The following CAMKK2 variants were observed in gnomAD, a reference collection of about 807,000 sequenced individuals.
CAMKK2 encodes the protein calcium/calmodulin dependent protein kinase kinase 2.
A neutral mutation model predicts 67.2 loss-of-function variants in CAMKK2; 30 were observed. The ratio of observed to expected loss-of-function variants is 0.45; its 90% CI spans 0.33 to 0.61. The LOEUF (loss-of-function observed/expected upper bound fraction) is 0.61. Among genes scored for constraint, CAMKK2 ranks in the 20% least tolerant of loss-of-function variants. The probability of loss-of-function intolerance (pLI) is 0.02; values close to 1 mark genes in which losing one functional copy is unlikely to be tolerated. For synonymous variants in CAMKK2, 322 were observed against 326.2 expected, an observed-to-expected ratio of 0.99 and a Z score of 0.14; for missense variants, 643 against 802.0, an observed-to-expected ratio of 0.80 and a Z score of 2.39.
rs762909440 is a variant in CAMKK2 at position 121,258,487 on chromosome 12, G to A, written c.796+1832C>T. ...GCTGGGGTTACAGGCATGAGCCACC[G>A]CACCTGGACTGAGTTTTCTGCCCTT... On this transcript the variant is annotated intron_variant, in intron 7 of 16. Coordinates refer to ENST00000404169, the MANE Select transcript of CAMKK2 (RefSeq NM_001270485.2). Among the ~76,000 whole-genome samples the A allele has an allele frequency of 7.2e-5, 11 of 152,072 alleles. No homozygotes were observed. In the East Asian group the frequency reaches 7.8e-4, roughly 11 times the overall value.
chr12:121,240,218 A>C lies in CAMKK2; in HGVS notation c.*481T>G, dbSNP rs200805447. The C allele has an allele frequency of 5.6e-4, 331 of 586,852 alleles. No homozygotes were observed. The highest frequency in any genetic ancestry group is 3.6e-3 in the Middle Eastern group (8 of 2,248). 36.4% of individuals were successfully genotyped at this position (586,852 alleles called of 1,614,324 possible). A position where few individuals can be genotyped will look rare whatever the true frequency, so the allele number is the denominator to read the frequency against. On this transcript the variant is annotated 3_prime_UTR_variant, in exon 17 of 17. Transcript: ENST00000404169. The surrounding 1 kb of genome is among the most constrained non-coding windows in gnomAD (Gnocchi z 4.4). ...GACTCCTTGAGACCACGGCTCTGGAAGGTGCCATGGTTTCCGGTTTGCACT... is the reference window on the plus strand; with the variant it reads ...GACTCCTTGAGACCACGGCTCTGGACGGTGCCATGGTTTCCGGTTTGCACT...
chr12:121,268,598 C>T, intron 5 of CAMKK2, 40 bp downstream of exon 5: 2 of 1,597,256 alleles, frequency 1.3e-6, no homozygotes, highest in South Asian at 2.2e-5. Context: ...CTGTCTTGTC[C>T]CAGCCCCTGT....
chr12:121,273,534 C>T (rs1896167830), intron 2 of CAMKK2, among the ~76,000 whole-genome samples: 1 of 152,098 alleles, frequency 6.6e-6, no homozygotes, highest in Admixed American at 6.5e-5. Context: ...CTGGTGCCAA[C>T]ACACGCTCGG....
intron 3 of CAMKK2, chr12:121,269,828 C>T (rs1895364670): frequency 4.8e-6 from 2 of 416,290 alleles, no homozygotes; most frequent in African/African-American, 4.0e-5. Context: ...GCAGGCGGAT[C>T]ACTTGAGTTA....
In CAMKK2 at chr12:121,251,826, CAAAAA is replaced by C. The variant is rs35539013; in HGVS notation, c.1161+830_1161+834del. Among the ~76,000 whole-genome samples the C allele has an allele frequency of 5.8e-5, 5 of 85,712 alleles. No homozygotes were observed. In the East Asian group the frequency reaches 1.8e-3, roughly 31 times the overall value. The allele number at this position is 85,712 out of a possible 152,430, so 56.2% of individuals were successfully genotyped here. A position where few individuals can be genotyped will look rare whatever the true frequency, so the allele number is the denominator to read the frequency against. The stretch of plus-strand genomic sequence containing the variant: ...TGGGTGACAGAGCAAGACTCCATCT[CAAAAA>C]AAAAAAAAAAAAAAATAGAGAGAGA... On this transcript the variant is annotated intron_variant, in intron 11 of 16. Coordinates refer to ENST00000404169, the MANE Select transcript of CAMKK2 (RefSeq NM_001270485.2).
At chr12:121,297,338 G>A, upstream of CAMKK2, 1 of 318,802 alleles carries the variant, frequency 3.1e-6, no homozygotes, top group South Asian at 2.5e-5. Flanking sequence ...CACCGACTCG[G>A]GGGAGCCCCC....
chr12:121,283,205 G>A (rs1898125879), intron 1 of CAMKK2, among the ~76,000 whole-genome samples: 1 of 152,202 alleles, frequency 6.6e-6, no homozygotes, highest in Non-Finnish European at 1.5e-5. Flanking sequence ...AGCTCTAGCG[G>A]GAGACCTGAG....
chr12:121,248,781 CG>C, intron 13 of CAMKK2, 47 bp from the exon 14 acceptor site: 4 of 1,609,858 alleles, frequency 2.5e-6, no homozygotes, highest in Non-Finnish European at 1.7e-6. Context: ...GGCTGGCTAC[CG>C]GGGGGCCCTG....
chr12:121,246,937 G>C (rs893978348), intron 14 of CAMKK2, among the ~76,000 whole-genome samples: 8 of 151,878 alleles, frequency 5.3e-5, no homozygotes, highest in African/African-American at 1.9e-4. Flanking sequence ...ACATGCAGGG[G>C]GCCTGGACCT....
At chr12:121,274,719 G>C in intron 1 of CAMKK2, 134 bp from the exon 2 acceptor site, 1 of 585,202 alleles carries the variant, frequency 1.7e-6, no homozygotes, top group Non-Finnish European at 3.0e-6. Flanking sequence ...TGCAAAACAT[G>C]GTGTGATCTG....
Position 121,274,358 on chromosome 12 carries a change from C to T in CAMKK2, c.169G>A (p.Glu57Lys), listed in dbSNP as rs201430481. Residue 57 changes from glutamate (E) to lysine (K), a missense_variant, in exon 2 of 17, where the codon GAG becomes AAG. Physicochemically the swap from Glu to Lys is moderately conservative, Grantham distance 56. Transcript: ENST00000404169. ...TCCACAGCACAGCCCGGCTCACACT[C>T]GGTGACCACAATGAAGGACTCCATG... is the stretch of plus-strand genomic sequence containing the variant. ...LGMESFIVVT[E>K]CEPGCAVDLG... 8 of 1,613,474 alleles carry T rather than the reference C, an allele frequency of 5.0e-6. No homozygotes were observed. Among genetic ancestry groups the T allele is most frequent in the East Asian group, 2.2e-5 (1 of 44,872 alleles).
At position 121,248,705 on chromosome 12, in the gene CAMKK2, C is replaced by T. The variant is rs1295024047; in HGVS notation, c.1353G>A (p.Ala451=). The T allele has an allele frequency of 3.7e-6, 6 of 1,614,174 alleles. No individual in the cohort carries two copies. The highest frequency in any genetic ancestry group is 1.7e-5 in the Admixed American group (1 of 60,024). The stretch of plus-strand genomic sequence containing the variant: ...TCTCATCCTCCGACGGCAACGGCTC[C>T]GCCCCATGCCTCGTGACCCAGGGGT... The part of the protein sequence containing the change: ...KLHPWVTRHG[A]EPLPSEDENC... Residue 451 remains alanine, a synonymous_variant, in exon 14 of 17, where the codon GCG becomes GCA. Transcript: ENST00000404169.
At chr12:121,273,477 C>T (rs148718279) in intron 2 of CAMKK2, among the ~76,000 whole-genome samples, 33 of 152,160 alleles carry the variant, frequency 2.2e-4, no homozygotes, top group Non-Finnish European at 4.6e-4. Context: ...GCAGGGTTTA[C>T]GGTAAGGGTC....
Position 121,249,108 on chromosome 12 carries a change from C to T in CAMKK2, c.1324-374G>A, listed in dbSNP as rs2136188674. Among the ~76,000 whole-genome samples, 2 of 152,340 alleles carry T rather than the reference C, an allele frequency of 1.3e-5. 1 individual carries two copies. The highest frequency in any genetic ancestry group is 4.1e-4 in the South Asian group (2 of 4,832). ...AGCAGGCAGCATTCTCCCCATCTCA[C>T]AGCAGGAGAGGCTTGGAGGCATGGT... is the stretch of plus-strand genomic sequence containing the variant. On this transcript the variant is annotated intron_variant, in intron 13 of 16. Coordinates refer to ENST00000404169, the MANE Select transcript of CAMKK2 (RefSeq NM_001270485.2).
intron 1 of CAMKK2, among the ~76,000 whole-genome samples, chr12:121,278,430 A>G (rs1897175743): frequency 6.6e-6 from 1 of 152,226 alleles, no homozygotes; most frequent in African/African-American, 2.4e-5. Flanking sequence ...TTACTTCAAC[A>G]AACACCTGTT....
At chr12:121,241,014 A>G in intron 16 of CAMKK2, 145 bp from the exon 17 acceptor site, 1 of 748,504 alleles carries the variant, frequency 1.3e-6, no homozygotes, top group Non-Finnish European at 2.2e-6. Flanking sequence ...AGTCTTTGAG[A>G]TCCTCTCCCC....
Position 121,240,701 on chromosome 12 carries a change from A to G in CAMKK2, c.1765T>C (p.Ter589GlnextTer35). 6.3e-7 allele frequency: 1 copy of G among 1,599,150 alleles called. No individual in the cohort carries two copies. Among genetic ancestry groups the G allele is most frequent in the Non-Finnish European group, 8.5e-7 (1 of 1,175,884 alleles). Residue 589 changes from the stop codon to glutamine, a stop_lost, in exon 17 of 17, where the codon TAG (stop) becomes CAG (glutamine). Transcript: ENST00000404169. This position sits in a 1 kb window ranked among gnomAD's most constrained non-coding sequence, Gnocchi z 4.4. ...GCGAGGTCGAGCGATCCAGGCAGCT[A>G]CTCGGGCTCCATGGCCTCCTCCGGC... ...LRPEEAMEPE[*>Q] is the part of the protein sequence containing the mutation.
At position 121,239,985 on chromosome 12, in the gene CAMKK2, A is replaced by G. The variant is rs1888057780; in HGVS notation, c.*714T>C. Reference sequence around the variant, plus strand: ...CTTTGAGCAGCTGTCATGAAGAAACACGTTCAGTCTTTCAGGAGAAATGTT... The same window carrying G: ...CTTTGAGCAGCTGTCATGAAGAAACGCGTTCAGTCTTTCAGGAGAAATGTT... On this transcript the variant is annotated 3_prime_UTR_variant, in exon 17 of 17. Coordinates refer to ENST00000404169, the MANE Select transcript of CAMKK2 (RefSeq NM_001270485.2). 6.2e-6 allele frequency: 1 copy of G among 160,964 alleles called. No individual in the cohort carries two copies. The highest frequency in any genetic ancestry group is 2.4e-5 in the African/African-American group (1 of 41,590). 10.0% of individuals were successfully genotyped at this position (160,964 alleles called of 1,614,324 possible).
intron 9 of CAMKK2, among the ~76,000 whole-genome samples, chr12:121,255,318 A>ATATATATAATTT (rs1891912896): frequency 5.1e-5 from 1 of 19,536 alleles, no homozygotes; most frequent in African/African-American, 3.5e-4. Context: ...ATATAATTTT[A>ATATATATAATTT]TATATATATA....
Sources: allele counts gnomAD v4.1 joint callset (sites outside exome capture counted in the v4.1 genomes callset), GRCh38; gene constraint gnomAD v4.1.1; non-coding constraint Gnocchi (gnomAD v3.1); transcripts MANE v1.5; gene names NCBI Gene and HGNC (gene_info 2026-07-23, HGNC 2026-07-21).